Variants in CACNA2D3 observed in about 807,000 individuals in gnomAD.
CACNA2D3 encodes the protein voltage-dependent calcium channel subunit alpha-2/delta-3.
In CACNA2D3, 60 loss-of-function variants were observed where a neutral mutation model predicts 160.6. The ratio of observed to expected loss-of-function variants is 0.37; its 90% CI spans 0.30 to 0.46. The LOEUF (loss-of-function observed/expected upper bound fraction) is 0.46. CACNA2D3 is among the 20% of genes least tolerant of loss of function. The pLI, the probability that CACNA2D3 is intolerant of heterozygous loss-of-function variation, is 1.00. For synonymous variants in CACNA2D3, 558 were observed against 492.9 expected (o/e 1.13, Z -1.75); for missense variants, 1,205 against 1,365.0 (o/e 0.88, Z 1.85).
intron 8 of CACNA2D3, among the ~76,000 whole-genome samples, chr3:54,579,501 A>G (rs1243674721): frequency 1.3e-5 from 2 of 152,234 alleles, no homozygotes; most frequent in Non-Finnish European, 2.9e-5. Flanking sequence ...GAAACTGCCC[A>G]TCAAACTTTC....
At chr3:54,821,198 C>A (rs141025171) in intron 14 of CACNA2D3, among the ~76,000 whole-genome samples, 57 of 152,294 alleles carry the variant, frequency 3.7e-4, no homozygotes, top group African/African-American at 1.2e-3. Context: ...CCTGAGAATT[C>A]TGAGTAGGCA....
chr3:54,971,526 A>G (rs556583088), intron 29 of CACNA2D3, among the ~76,000 whole-genome samples: 8 of 152,182 alleles, frequency 5.3e-5, no homozygotes, highest in Non-Finnish European at 1.2e-4. Context: ...AGTAGCTTGA[A>G]TAGTTGGTTG....
chr3:54,787,480 A>G (rs1702664102), intron 13 of CACNA2D3, among the ~76,000 whole-genome samples: 1 of 152,236 alleles, frequency 6.6e-6, no homozygotes, highest in African/African-American at 2.4e-5. Context: ...ACCCTCTTAG[A>G]TTCAGTGACC....
At chr3:54,471,471 C>T (rs1301610850) in intron 4 of CACNA2D3, among the ~76,000 whole-genome samples, 1 of 152,082 alleles carries the variant, frequency 6.6e-6, no homozygotes, top group Non-Finnish European at 1.5e-5. Context: ...AATCAACACC[C>T]TAACATCACA....
intron 12 of CACNA2D3, among the ~76,000 whole-genome samples, chr3:54,758,216 A>G (rs556848706): frequency 2.0e-5 from 3 of 152,298 alleles, no homozygotes; most frequent in Non-Finnish European, 4.4e-5. Flanking sequence ...CCACAGAGCT[A>G]TAAGAAGGAG....
At chr3:54,551,250 C>T (rs1461920197) in intron 5 of CACNA2D3, among the ~76,000 whole-genome samples, 1 of 152,170 alleles carries the variant, frequency 6.6e-6, no homozygotes, top group Non-Finnish European at 1.5e-5. Context: ...TCCATTTTAC[C>T]CCAATGAGCT....
chr3:54,709,383 A>G (rs1484733095), intron 11 of CACNA2D3, among the ~76,000 whole-genome samples: 7 of 150,292 alleles, frequency 4.7e-5, no homozygotes, highest in African/African-American at 1.7e-4. Flanking sequence ...TTTCTTAAAG[A>G]GAGGGTCTCC....
chr3:54,462,781 A>G (rs535176381), intron 4 of CACNA2D3, among the ~76,000 whole-genome samples: 1 of 152,000 alleles, frequency 6.6e-6, no homozygotes, highest in African/African-American at 2.4e-5. Context: ...TTGCATTTAA[A>G]GTTAATATTG....
At chr3:54,429,253 G>T (rs1402538098) in intron 4 of CACNA2D3, among the ~76,000 whole-genome samples, 1 of 148,258 alleles carries the variant, frequency 6.7e-6, no homozygotes, top group Non-Finnish European at 1.5e-5. Context: ...AAGGGAGCAA[G>T]ATTAGCTTTA....
chr3:54,787,858 A>C (rs191036476), intron 13 of CACNA2D3, among the ~76,000 whole-genome samples: 5 of 152,200 alleles, frequency 3.3e-5, no homozygotes, highest in South Asian at 2.1e-4. Flanking sequence ...TTTGTGTCCA[A>C]ATTTTAGGCA....
chr3:54,552,553 A>G (rs1350009250), intron 5 of CACNA2D3, among the ~76,000 whole-genome samples: 2 of 152,188 alleles, frequency 1.3e-5, no homozygotes, highest in Non-Finnish European at 2.9e-5. Flanking sequence ...GTAATGTACT[A>G]TAGCAATGGA....
intron 3 of CACNA2D3, among the ~76,000 whole-genome samples, chr3:54,380,256 T>C (rs976430683): frequency 1.3e-5 from 2 of 152,216 alleles, no homozygotes; most frequent in African/African-American, 4.8e-5. Context: ...TAGAGATTTT[T>C]CATTTTAATC....
chr3:54,250,989 A>G (rs11130406), intron 2 of CACNA2D3, among the ~76,000 whole-genome samples: 61,420 of 151,964 alleles, frequency 0.4, 12,501 homozygotes, highest in Middle Eastern at 0.42. Flanking sequence ...GAGCATTCTC[A>G]GTAGGAGAAA....
chr3:54,129,870 T>G (rs1482110419), intron 2 of CACNA2D3, among the ~76,000 whole-genome samples: 5 of 152,250 alleles, frequency 3.3e-5, no homozygotes, highest in Admixed American at 1.3e-4. Flanking sequence ...ATGCTGCTCA[T>G]CACAGAACGT....
intron 3 of CACNA2D3, among the ~76,000 whole-genome samples, chr3:54,330,568 C>T (rs975766442): frequency 2.0e-5 from 3 of 152,108 alleles, no homozygotes; most frequent in Non-Finnish European, 4.4e-5. Context: ...GCAGGAGTTG[C>T]CTTAGTAAAA....
chr3:54,281,183 C>G (rs1702871249), intron 2 of CACNA2D3, among the ~76,000 whole-genome samples: 1 of 152,184 alleles, frequency 6.6e-6, no homozygotes, highest in East Asian at 1.9e-4. Context: ...ACAGGTGATT[C>G]ACTCATCTCC....
intron 21 of CACNA2D3, 125 bp from the exon 22 acceptor site, chr3:54,885,156 G>A (rs1055651390): frequency 8.4e-6 from 7 of 836,652 alleles, no homozygotes; most frequent in Non-Finnish European, 1.2e-5. Context: ...CTGCTCCAAG[G>A]CAGGTCCCTT....
intron 11 of CACNA2D3, among the ~76,000 whole-genome samples, chr3:54,646,115 C>T (rs1466057070): frequency 8.1e-6 from 1 of 123,516 alleles, no homozygotes; most frequent in Non-Finnish European, 1.8e-5. Context: ...TCCTTCCTTC[C>T]TTCCTTCCTT....
intron 3 of CACNA2D3, among the ~76,000 whole-genome samples, chr3:54,347,173 G>A (rs1367999575): frequency 2.6e-5 from 4 of 152,200 alleles, no homozygotes; most frequent in Admixed American, 6.5e-5. Context: ...GGCACCTTAT[G>A]CCTGCTGGAC....
Sources: gnomAD v4.1 joint callset for allele counts (sites outside exome capture counted in the v4.1 genomes callset) on GRCh38, gnomAD v4.1.1 for gene constraint, MANE v1.5 for transcripts, NCBI Gene and HGNC (gene_info 2026-07-23, HGNC 2026-07-21) for gene names.